Variants in PCDH15 observed in about 807,000 individuals in gnomAD.
The protein encoded by PCDH15 is protocadherin related 15, also known as protocadherin-15.
Under a neutral mutation model 178.5 loss-of-function variants are expected in PCDH15, and 129 were observed. The ratio of observed to expected loss-of-function variants is 0.72; its 90% CI spans 0.63 to 0.84. The LOEUF is 0.84. Among genes scored for constraint, PCDH15 ranks in the 40% least tolerant of loss-of-function variants. The pLI, the probability that PCDH15 is intolerant of heterozygous loss-of-function variation, is 0.00. For missense variants in PCDH15, 2,230 were observed against 2,099.9 expected (o/e 1.06, Z -1.21); for synonymous variants, 800 against 732.0 (o/e 1.09, Z -1.50).
At chr10:54,162,104 T>C (rs1270581360) in intron 13 of PCDH15, among the ~76,000 whole-genome samples, 1 of 152,166 alleles carries the variant, frequency 6.6e-6, no homozygotes, top group Admixed American at 6.6e-5. Context: ...ATGATATTTA[T>C]CCATTTTTTT....
At chr10:55,191,699 G>T (rs537516477) in intron 1 of PCDH15, among the ~76,000 whole-genome samples, 4 of 151,834 alleles carry the variant, frequency 2.6e-5, no homozygotes, top group South Asian at 2.1e-4. Flanking sequence ...TTTTATGAAG[G>T]TTCATTTCTT....
At chr10:54,233,628 A>G (rs763667710) in intron 9 of PCDH15, among the ~76,000 whole-genome samples, 1 of 152,162 alleles carries the variant, frequency 6.6e-6, no homozygotes, top group Non-Finnish European at 1.5e-5. Context: ...TGTTTTGTAG[A>G]TATCTTTTAG....
At chr10:54,330,875 G>A (rs370586922) in intron 6 of PCDH15, among the ~76,000 whole-genome samples, 44 of 151,890 alleles carry the variant, frequency 2.9e-4, no homozygotes, top group African/African-American at 1.0e-3. Flanking sequence ...CACTGAAATT[G>A]TCTTGTGGTT....
chr10:55,298,295 G>T (rs1843186173), intron 1 of PCDH15, among the ~76,000 whole-genome samples: 4 of 152,170 alleles, frequency 2.6e-5, no homozygotes, highest in African/African-American at 9.7e-5. Flanking sequence ...ATGCAATTAT[G>T]TTTACAAGAT....
intron 2 of PCDH15, among the ~76,000 whole-genome samples, chr10:55,621,919 G>C (rs1251533934): frequency 6.8e-6 from 1 of 147,902 alleles, no homozygotes; most frequent in Non-Finnish European, 1.5e-5. Flanking sequence ...TAAAAAATGA[G>C]GAAACGACAT....
At chr10:54,283,751 G>T (rs1463577096) in intron 8 of PCDH15, among the ~76,000 whole-genome samples, 1 of 152,070 alleles carries the variant, frequency 6.6e-6, no homozygotes, top group Non-Finnish European at 1.5e-5. Context: ...CAAGCAATGA[G>T]CCTCGCTTGA....
intron 1 of PCDH15, among the ~76,000 whole-genome samples, chr10:55,200,008 T>A (rs577080398): frequency 6.6e-6 from 1 of 152,048 alleles, no homozygotes; most frequent in Admixed American, 6.5e-5. Context: ...ACTAGAGCAG[T>A]GTGGAGGGGA....
chr10:54,965,542 G>C (rs1429906169), intron 2 of PCDH15, among the ~76,000 whole-genome samples: 1 of 151,430 alleles, frequency 6.6e-6, no homozygotes, highest in East Asian at 1.9e-4. Context: ...CTCAGTCTTA[G>C]TGGTTTCTTC....
At chr10:54,691,178 G>A (rs1212709582) in intron 1 of PCDH15, among the ~76,000 whole-genome samples, 6 of 152,090 alleles carry the variant, frequency 3.9e-5, no homozygotes, top group Non-Finnish European at 8.8e-5. Context: ...TTGTAGAAAT[G>A]TCTCTGAAAA....
intron 2 of PCDH15, among the ~76,000 whole-genome samples, chr10:55,409,943 C>G (rs758208599): frequency 6.6e-6 from 1 of 152,092 alleles, no homozygotes; most frequent in African/African-American, 2.4e-5. Flanking sequence ...ATTAACTCAA[C>G]TCTCTGAATG....
intron 3 of PCDH15, among the ~76,000 whole-genome samples, chr10:54,850,824 A>G (rs1953606396): frequency 6.6e-6 from 1 of 152,152 alleles, no homozygotes; most frequent in Non-Finnish European, 1.5e-5. Context: ...AAAATAATAT[A>G]TAAAACATCT....
intron 1 of PCDH15, among the ~76,000 whole-genome samples, chr10:55,205,855 G>C (rs559043424): frequency 6.6e-6 from 1 of 152,134 alleles, no homozygotes; most frequent in African/African-American, 2.4e-5. Context: ...CACATGGCTG[G>C]GGAGGCCTCA....
At position 54,022,993 on chromosome 10, in the gene PCDH15, C is replaced by A. The variant is rs764023738; in HGVS notation, c.2425G>T (p.Val809Phe). ...RHSTLTLAIK[V>F]LDIDDNSPVF... ...GGACTGTTATCATCAATGTCCAAAACCTTGATGGCCAAGGTTAGAGTTGAA... is the reference window on the plus strand; with the variant it reads ...GGACTGTTATCATCAATGTCCAAAAACTTGATGGCCAAGGTTAGAGTTGAA... Residue 809 changes from valine (V) to phenylalanine (F), a missense_variant, in exon 19 of 38, where the codon GTT becomes TTT. Physicochemically the swap from Val to Phe is conservative, Grantham distance 50 (BLOSUM62 -1). Coordinates refer to ENST00000644397, the MANE Select transcript of PCDH15 (RefSeq NM_001384140.1). The A allele has an allele frequency of 3.1e-6, 5 of 1,613,966 alleles. No homozygotes were observed. The highest frequency in any genetic ancestry group is 4.2e-6 in the Non-Finnish European group (5 of 1,179,886).
At chr10:55,396,183 A>G (rs775300488) in intron 2 of PCDH15, among the ~76,000 whole-genome samples, 2 of 152,160 alleles carry the variant, frequency 1.3e-5, no homozygotes, top group African/African-American at 2.4e-5. Context: ...TCTTTGCATC[A>G]GTGGAATTAA....
intron 3 of PCDH15, among the ~76,000 whole-genome samples, chr10:54,512,325 T>C (rs553005290): frequency 1.3e-5 from 2 of 151,536 alleles, no homozygotes; most frequent in South Asian, 2.1e-4. Flanking sequence ...TAAAACTCTA[T>C]TGATTTTTGA....
At chr10:55,476,647 A>G (rs1444560997) in intron 2 of PCDH15, among the ~76,000 whole-genome samples, 1 of 152,032 alleles carries the variant, frequency 6.6e-6, no homozygotes, top group Non-Finnish European at 1.5e-5. Context: ...TATAGAAAAA[A>G]ATCAGGTGGA....
intron 2 of PCDH15, among the ~76,000 whole-genome samples, chr10:54,604,287 G>T (rs772344417): frequency 1.3e-5 from 2 of 151,760 alleles, no homozygotes; most frequent in Non-Finnish European, 2.9e-5. Context: ...ATGTCTGTTA[G>T]GTTAATTTGG....
chr10:55,434,136 A>G (rs1170432304), intron 2 of PCDH15, among the ~76,000 whole-genome samples: 35 of 114,796 alleles, frequency 3.0e-4, no homozygotes, highest in African/African-American at 1.2e-3. Context: ...GCTGGAGTGC[A>G]GTGGCGCCCT....
intron 3 of PCDH15, among the ~76,000 whole-genome samples, chr10:54,425,537 T>C (rs1285716451): frequency 2.0e-5 from 3 of 152,188 alleles, no homozygotes; most frequent in Admixed American, 6.5e-5. Context: ...ATAAGTAACA[T>C]AAAATGGACT....
Sources: allele counts gnomAD v4.1 joint callset (sites outside exome capture counted in the v4.1 genomes callset), GRCh38; gene constraint gnomAD v4.1.1; transcripts MANE v1.5; gene names NCBI Gene and HGNC (gene_info 2026-07-23, HGNC 2026-07-21).